Variants in ENSA observed in about 807,000 individuals in gnomAD.
ENSA encodes alpha-endosulfine.
ENSA carries 7 observed loss-of-function variants against 16.8 expected under a neutral mutation model. The observed-to-expected ratio is 0.42, with a 90% CI of 0.24 to 0.78. The LOEUF is 0.78. Ranked by LOEUF, ENSA falls within the 30% of genes least tolerant of loss-of-function variation. The pLI is 0.29. For synonymous variants in ENSA, 58 were observed against 53.4 expected (o/e 1.09, Z -0.37); for missense variants, 87 against 142.3 (o/e 0.61, Z 1.98).
intron 1 of ENSA, 57 bp downstream of exon 1, chr1:150,629,357 G>T (rs587759689): frequency 1.9e-6 from 3 of 1,590,640 alleles, no homozygotes; most frequent in African/African-American, 2.7e-5. Context: ...GTGGGAGACC[G>T]TCTCCCGCCC....
At chr1:150,627,830 T>G (rs1444687884) in intron 1 of ENSA, among the ~76,000 whole-genome samples, 1 of 152,224 alleles carries the variant, frequency 6.6e-6, no homozygotes, top group Non-Finnish European at 1.5e-5. Flanking sequence ...CAGGGACCTG[T>G]GCGTATTGGG....
At chr1:150,625,493 A>G (rs1649237453) in intron 3 of ENSA, 149 bp downstream of exon 3, 1 of 1,369,478 alleles carries the variant, frequency 7.3e-7, no homozygotes, top group Non-Finnish European at 9.4e-7. Context: ...TTTTCAACCT[A>G]CATTACCTTC....
At chr1:150,626,976 AAGAAAAATACATTTGC>A in intron 2 of ENSA, 1 of 964,584 alleles carries the variant, frequency 1.0e-6, no homozygotes, top group Non-Finnish European at 1.3e-6. Flanking sequence ...CACTCTGAAC[AAGAAAAATACATTTGC>A]TGCAGGAGTA....
chr1:150,623,604 G>T, intron 3 of ENSA: 1 of 984,314 alleles, frequency 1.0e-6, no homozygotes, highest in Non-Finnish European at 1.2e-6. Flanking sequence ...TGAGAAGATC[G>T]GAGATGAAGA....
chr1:150,626,713 C>T lies in ENSA; in HGVS notation c.183+754G>A, dbSNP rs587628378. On this transcript the variant is annotated intron_variant, in intron 2 of 3. Coordinates refer to ENST00000369014, the MANE Select transcript of ENSA (RefSeq NM_004436.4). The stretch of plus-strand genomic sequence containing the variant: ...CTGGGACTACAGGCGCCCGCCACCA[C>T]ACCCGGCTAAGTGTTTGTATTATTA... 3.0e-4 allele frequency among the ~76,000 whole-genome samples: 46 copies of T among 152,322 alleles called. 1 individual carries two copies. In the South Asian group the frequency reaches 8.5e-3, roughly 28 times the overall value.
chr1:150,623,445 G>A, intron 3 of ENSA: 1 of 985,820 alleles, frequency 1.0e-6, no homozygotes, highest in Non-Finnish European at 1.2e-6. Flanking sequence ...ACCAGGTAGA[G>A]AGACAGAGTG....
At chr1:150,624,182 T>G (rs1381996997) in intron 3 of ENSA, 2 of 985,458 alleles carry the variant, frequency 2.0e-6, no homozygotes, top group Non-Finnish European at 2.4e-6. Context: ...CACCTGTTCA[T>G]GAGTCAGCAT....
In ENSA at chr1:150,629,527, G is replaced by A. The variant is rs1239247711; in HGVS notation, c.-57C>T. ...CCGGGAAGGCAACCGGAGAAGGGAA[G>A]GGGGAGGGGAAACGGGGACAACCTG... On this transcript the variant is annotated 5_prime_UTR_variant, in exon 1 of 4. Coordinates refer to ENST00000369014, the MANE Select transcript of ENSA (RefSeq NM_004436.4). 3.1e-6 allele frequency: 5 copies of A among 1,589,500 alleles called. No individual in the cohort carries two copies. The highest frequency in any genetic ancestry group is 4.5e-5 in the East Asian group (2 of 44,718).
At chr1:150,629,335 C>T (rs1649578270) in intron 1 of ENSA, 79 bp downstream of exon 1, 6 of 1,561,776 alleles carry the variant, frequency 3.8e-6, no homozygotes, top group Non-Finnish European at 5.2e-6. Flanking sequence ...CCATGGCGAC[C>T]AATCCGCACT....
intron 2 of ENSA, chr1:150,626,579 T>C (rs1649332031): frequency 1.4e-6 from 2 of 1,404,438 alleles, no homozygotes; most frequent in East Asian, 2.3e-5. Context: ...TTTTTTGAGA[T>C]GGAGCCTCGC....
In ENSA at chr1:150,622,734, C is replaced by T. The variant is rs1032398525; in HGVS notation, c.*110G>A. On this transcript the variant is annotated 3_prime_UTR_variant, in exon 4 of 4. Coordinates refer to ENST00000369014, the MANE Select transcript of ENSA (RefSeq NM_004436.4). ...TCTGCCTCTCCAGCCCACACCCGAG[C>T]CACCTCCTGACCCCTGGCTGCAAAA... 4.0e-6 allele frequency: 5 copies of T among 1,263,824 alleles called. No homozygotes were observed. The highest frequency in any genetic ancestry group is 1.5e-5 in the African/African-American group (1 of 65,312). The allele number at this position is 1,263,824 out of a possible 1,614,324, so 78.3% of individuals were successfully genotyped here.
At chr1:150,626,954 G>C (rs1045323003) in intron 2 of ENSA, 1 of 711,900 alleles carries the variant, frequency 1.4e-6, no homozygotes, top group South Asian at 4.5e-5. Flanking sequence ...ACTCTCTCTT[G>C]GTAAGGAGGA....
chr1:150,628,493 A>C (rs1457493008), intron 1 of ENSA, among the ~76,000 whole-genome samples: 1 of 151,584 alleles, frequency 6.6e-6, no homozygotes, highest in African/African-American at 2.4e-5. Context: ...TACTGTAGTC[A>C]ATCTCTTTTT....
intron 3 of ENSA, chr1:150,624,060 A>T (rs989166006): frequency 5.1e-6 from 5 of 985,414 alleles, no homozygotes; most frequent in Non-Finnish European, 6.0e-6. Flanking sequence ...CTTGAGCATT[A>T]GTTCTCACCC....
At chr1:150,626,510 T>C (rs752318913) in intron 2 of ENSA, 8 of 1,613,838 alleles carry the variant, frequency 5.0e-6, no homozygotes, top group Non-Finnish European at 6.8e-6. Flanking sequence ...CACACTCCAA[T>C]GTAATGATTT....
At chr1:150,627,629 T>C (rs760569083) in intron 1 of ENSA, 37 bp from the exon 2 acceptor site, 1 of 1,581,152 alleles carries the variant, frequency 6.3e-7, no homozygotes, top group Admixed American at 1.9e-5. Context: ...AATTAAAGAC[T>C]GAGAAACAAC....
rs951853539 is a variant in ENSA at position 150,625,520 on chromosome 1, G to A, written c.350+122C>T. 4 of 1,430,100 alleles carry A rather than the reference G, an allele frequency of 2.8e-6. No homozygotes were observed. The African/African-American group carries it at 5.8e-5, about 21-fold the overall frequency. 88.6% of individuals were successfully genotyped at this position (1,430,100 alleles called of 1,614,324 possible). ...ATTACCTTCTCAGCAGCCCCCAGCA[G>A]AATCACAGTCATTTCTGGCTAGCAA... On this transcript the variant is annotated intron_variant, in intron 3 of 3. Coordinates refer to ENST00000369014, the MANE Select transcript of ENSA (RefSeq NM_004436.4).
chr1:150,629,567 C>G lies in ENSA; in HGVS notation c.-97G>C. The G allele has an allele frequency of 6.8e-7, 1 of 1,471,878 alleles. No homozygotes were observed. Among genetic ancestry groups the G allele is most frequent in the Non-Finnish European group, 9.3e-7 (1 of 1,079,700 alleles). 91.2% of individuals were successfully genotyped at this position (1,471,878 alleles called of 1,614,324 possible). A position where few individuals can be genotyped will look rare whatever the true frequency, so the allele number is the denominator to read the frequency against. On this transcript the variant is annotated 5_prime_UTR_variant, in exon 1 of 4. Transcript: ENST00000369014. Reference sequence around the variant, plus strand: ...GGGACAACCTGCGCTGCTGCTTCGGCTCCTGTCACTAGGGTTGCTCAGTCA... The same window carrying G: ...GGGACAACCTGCGCTGCTGCTTCGGGTCCTGTCACTAGGGTTGCTCAGTCA...
Position 150,622,661 on chromosome 1 carries a change from G to A in ENSA, c.*183C>T, listed in dbSNP as rs1361359753. 5.9e-6 allele frequency: 2 copies of A among 336,540 alleles called. No individual in the cohort carries two copies. Among genetic ancestry groups the A allele is most frequent in the Admixed American group, 5.4e-5 (1 of 18,430 alleles). 20.8% of individuals were successfully genotyped at this position (336,540 alleles called of 1,614,324 possible). On this transcript the variant is annotated 3_prime_UTR_variant, in exon 4 of 4. Coordinates refer to ENST00000369014, the MANE Select transcript of ENSA (RefSeq NM_004436.4). The stretch of plus-strand genomic sequence containing the variant: ...AACAAAAAAGGTTCAAGGTCTTGGT[G>A]CTCAGCCCAAGGGGCTCCATGTGCT...
Sources: gnomAD v4.1 joint callset for allele counts (sites outside exome capture counted in the v4.1 genomes callset) on GRCh38, gnomAD v4.1.1 for gene constraint, MANE v1.5 for transcripts, NCBI Gene and HGNC (gene_info 2026-07-23, HGNC 2026-07-21) for gene names.